MGAT4C: variants seen among roughly 807,000 people sequenced by gnomAD.
MGAT4C encodes alpha-1,3-mannosyl-glycoprotein 4-beta-N-acetylglucosaminyltransferase C.
A neutral mutation model predicts 40.1 loss-of-function variants in MGAT4C; 19 were observed. That is an observed-to-expected ratio of 0.47 (90% CI 0.33 to 0.70). The LOEUF (loss-of-function observed/expected upper bound fraction) is 0.70. Among genes scored for constraint, MGAT4C ranks in the 30% least tolerant of loss-of-function variants. The pLI is 0.02. For missense variants in MGAT4C, 491 were observed against 563.2 expected, an observed-to-expected ratio of 0.87 and a Z score of 1.30; for synonymous variants, 181 against 187.1, an observed-to-expected ratio of 0.97 and a Z score of 0.27.
intron 4 of MGAT4C, among the ~76,000 whole-genome samples, chr12:86,314,019 A>G (rs568493492): frequency 6.6e-6 from 1 of 152,334 alleles, no homozygotes; most frequent in East Asian, 1.9e-4. Context: ...GCTCTAATTT[A>G]CATTTGTGCT....
chr12:86,225,232 G>T (rs1264740974), intron 1 of MGAT4C, among the ~76,000 whole-genome samples: 4 of 151,988 alleles, frequency 2.6e-5, no homozygotes, highest in Non-Finnish European at 5.9e-5. Flanking sequence ...CAACTTTCAA[G>T]ATTGAATCAG....
intron 1 of MGAT4C, among the ~76,000 whole-genome samples, chr12:86,776,938 T>C (rs1951757427): frequency 6.6e-6 from 1 of 152,164 alleles, no homozygotes; most frequent in Admixed American, 6.6e-5. Context: ...TAAAAGTATA[T>C]TTAAAAATCA....
At chr12:86,500,261 G>T (rs1958316690) in intron 2 of MGAT4C, among the ~76,000 whole-genome samples, 1 of 151,466 alleles carries the variant, frequency 6.6e-6, no homozygotes, top group Non-Finnish European at 1.5e-5. Context: ...CAGCAAATTA[G>T]ATCCAAAAAA....
At chr12:86,573,159 A>T (rs989189356) in intron 2 of MGAT4C, among the ~76,000 whole-genome samples, 1 of 152,038 alleles carries the variant, frequency 6.6e-6, no homozygotes, top group African/African-American at 2.4e-5. Context: ...GTTGAAATGT[A>T]TAAAGAAAAC....
At chr12:86,496,524 ATAAAT>A (rs1331123210) in intron 2 of MGAT4C, among the ~76,000 whole-genome samples, 1 of 152,084 alleles carries the variant, frequency 6.6e-6, no homozygotes, top group Non-Finnish European at 1.5e-5. Context: ...TTATGTGGTA[ATAAAT>A]TTAATAATGT....
At chr12:86,020,978 C>G (rs1473373929) in intron 2 of MGAT4C, among the ~76,000 whole-genome samples, 1 of 152,132 alleles carries the variant, frequency 6.6e-6, no homozygotes, top group Admixed American at 6.5e-5. Context: ...CCAAAAGACA[C>G]ATGAAAAAAT....
At chr12:86,803,921 T>C (rs1400380638) in intron 1 of MGAT4C, among the ~76,000 whole-genome samples, 2 of 147,606 alleles carry the variant, frequency 1.4e-5, no homozygotes, top group East Asian at 4.1e-4. Context: ...ACTGGGTATA[T>C]ACCCAAATGA....
At chr12:86,522,273 T>C (rs1351957302) in intron 2 of MGAT4C, among the ~76,000 whole-genome samples, 1 of 152,208 alleles carries the variant, frequency 6.6e-6, no homozygotes, top group African/African-American at 2.4e-5. Flanking sequence ...TTGGGGTATG[T>C]TCCTTCAGTA....
At chr12:86,771,611 C>G (rs1951638057) in intron 1 of MGAT4C, among the ~76,000 whole-genome samples, 1 of 151,564 alleles carries the variant, frequency 6.6e-6, no homozygotes, top group African/African-American at 2.4e-5. Context: ...CTTTGGGAGG[C>G]CAAGGTGGGA....
At chr12:86,684,717 C>A (rs1371167388) in intron 2 of MGAT4C, among the ~76,000 whole-genome samples, 1 of 152,014 alleles carries the variant, frequency 6.6e-6, no homozygotes, top group African/African-American at 2.4e-5. Context: ...TTTTAATGAT[C>A]GCCATTCTAA....
chr12:86,557,371 C>G (rs1382907088), intron 2 of MGAT4C, among the ~76,000 whole-genome samples: 1 of 152,126 alleles, frequency 6.6e-6, no homozygotes, highest in East Asian at 1.9e-4. Context: ...TGGGGTTCAG[C>G]CAACCCTGCC....
chr12:86,752,303 T>A (rs756412969), intron 1 of MGAT4C, among the ~76,000 whole-genome samples: 4 of 152,048 alleles, frequency 2.6e-5, no homozygotes, highest in Non-Finnish European at 5.9e-5. Flanking sequence ...TTTATTAGAT[T>A]AGGAATTTTA....
chr12:86,724,837 C>T (rs1318945227), intron 2 of MGAT4C, among the ~76,000 whole-genome samples: 2 of 152,202 alleles, frequency 1.3e-5, no homozygotes, highest in African/African-American at 4.8e-5. Context: ...CCAAAGCAGG[C>T]CAGCCTCTAG....
chr12:86,833,031 G>A (rs1952963594), intron 1 of MGAT4C, among the ~76,000 whole-genome samples: 1 of 151,744 alleles, frequency 6.6e-6, no homozygotes, highest in African/African-American at 2.4e-5. Context: ...TGAGATTGTC[G>A]GATGTACATT....
intron 1 of MGAT4C, among the ~76,000 whole-genome samples, chr12:86,245,727 C>T (rs182699266): frequency 4.0e-3 from 606 of 152,264 alleles, no homozygotes; most frequent in Non-Finnish European, 6.4e-3. Flanking sequence ...AATCCTGTTA[C>T]TTTGTTTTTC....
At chr12:86,404,999 A>C (rs1006067765) in intron 3 of MGAT4C, among the ~76,000 whole-genome samples, 3 of 152,046 alleles carry the variant, frequency 2.0e-5, no homozygotes, top group African/African-American at 7.2e-5. Flanking sequence ...AAAACTAGAT[A>C]TTCCATCTCT....
chr12:86,766,116 G>C (rs1391594275), intron 1 of MGAT4C, among the ~76,000 whole-genome samples: 2 of 152,016 alleles, frequency 1.3e-5, no homozygotes, highest in Admixed American at 6.6e-5. Flanking sequence ...CTGTATTCAG[G>C]AAACCCATCT....
At chr12:86,314,328 G>T (rs1954148763) in intron 4 of MGAT4C, among the ~76,000 whole-genome samples, 1 of 152,122 alleles carries the variant, frequency 6.6e-6, no homozygotes, top group Middle Eastern at 3.2e-3. Flanking sequence ...AGGCCCAGGT[G>T]GGCAGATCAC....
intron 1 of MGAT4C, among the ~76,000 whole-genome samples, chr12:86,229,514 A>G (rs1951230599): frequency 6.6e-6 from 1 of 152,008 alleles, no homozygotes; most frequent in South Asian, 2.1e-4. Context: ...GTGCATGTGT[A>G]TATTGTTGTT....
Sources: gnomAD v4.1 joint callset for allele counts (sites outside exome capture counted in the v4.1 genomes callset) on GRCh38, gnomAD v4.1.1 for gene constraint, MANE v1.5 for transcripts, NCBI Gene and HGNC (gene_info 2026-07-23, HGNC 2026-07-21) for gene names.